AR: variants seen among roughly 807,000 people sequenced by gnomAD.
AR encodes the protein dihydrotestosterone receptor.
A neutral mutation model predicts 53.9 loss-of-function variants in AR; 8 were observed. The observed-to-expected ratio is 0.15, with a 90% confidence interval of 0.09 to 0.27. The LOEUF is 0.27. Among genes scored for constraint, AR ranks in the 10% least tolerant of loss-of-function variants. AR has a pLI of 1.00. For synonymous variants in AR, 359 were observed against 316.4 expected (o/e 1.13, Z -1.43); for missense variants, 639 against 742.5 (o/e 0.86, Z 1.62).
chrX:67,625,525 C>G (rs1924587585), intron 1 of AR, among the ~76,000 whole-genome samples: 1 of 111,392 alleles, frequency 9.0e-6, no homozygotes, highest in South Asian at 3.7e-4. Context: ...CAGTGGTAAT[C>G]AAGAGTGTAT....
intron 2 of AR, among the ~76,000 whole-genome samples, chrX:67,682,505 G>C (rs1392294899): frequency 9.2e-6 from 1 of 109,003 alleles, no homozygotes; most frequent in Non-Finnish European, 1.9e-5. Flanking sequence ...TGCCCAGGCT[G>C]GTCTCAAACT....
chrX:67,571,378 G>A (rs1921806470), intron 1 of AR, among the ~76,000 whole-genome samples: 1 of 111,305 alleles, frequency 9.0e-6, no homozygotes, highest in South Asian at 3.8e-4. Context: ...TGCTTAATGG[G>A]CGCAACCATG....
chrX:67,557,098 T>C (rs1408138383), intron 1 of AR, among the ~76,000 whole-genome samples: 1 of 108,562 alleles, frequency 9.2e-6, no homozygotes, highest in East Asian at 3.0e-4. Context: ...ATATTATACG[T>C]TTGTTTGTTT....
intron 1 of AR, among the ~76,000 whole-genome samples, chrX:67,640,754 T>G (rs955620140): frequency 9.0e-6 from 1 of 110,744 alleles, no homozygotes; most frequent in Admixed American, 9.7e-5. Flanking sequence ...AATAGACTGT[T>G]TATCTGATAT....
rs1369792982 is a variant in AR at position 67,546,591 on chromosome X, G to T, written c.1445G>T (p.Gly482Val). 2 of 1,170,734 alleles carry T rather than the reference G, an allele frequency of 1.7e-6. No homozygotes were observed. Among genetic ancestry groups the T allele is most frequent in the South Asian group, 1.9e-5 (1 of 52,285 alleles). The change falls in exon 1 of 8, where the codon GGC (glycine) becomes GTC (valine). Residue 482 changes from glycine (G) to valine (V), a missense_variant. Coordinates refer to ENST00000374690, the MANE Select transcript of AR (RefSeq NM_000044.6). ...GAGGCGGGAGCTGTAGCCCCCTACG[G>T]CTACACTCGGCCCCCTCAGGGGCTG... ...GGEAGAVAPY[G>V]YTRPPQGLAG...
chrX:67,557,621 G>A (rs1921114582), intron 1 of AR, among the ~76,000 whole-genome samples: 1 of 111,664 alleles, frequency 9.0e-6, no homozygotes, highest in African/African-American at 3.3e-5. Flanking sequence ...GTCTATAGAA[G>A]GGTAGGGACT....
chrX:67,672,394 G>A (rs1230226624), intron 2 of AR, among the ~76,000 whole-genome samples: 3 of 110,573 alleles, frequency 2.7e-5, no homozygotes, highest in African/African-American at 9.9e-5. Flanking sequence ...TTGTTTTCTG[G>A]TTATTCTGTG....
chrX:67,719,053 A>T (rs897320356), intron 5 of AR, among the ~76,000 whole-genome samples: 4 of 110,851 alleles, frequency 3.6e-5, no homozygotes, highest in African/African-American at 1.3e-4. Flanking sequence ...CCTCTAACCC[A>T]GAAGAGTCTT....
At chrX:67,694,750 T>A (rs1455326522) in intron 3 of AR, 1 of 1,154,378 alleles carries the variant, frequency 8.7e-7, no homozygotes. Flanking sequence ...TCATTCAAAA[T>A]GAGGGCTCTA....
intron 3 of AR, among the ~76,000 whole-genome samples, chrX:67,690,171 C>T (rs934109778): frequency 8.9e-6 from 1 of 111,874 alleles, no homozygotes; most frequent in Non-Finnish European, 1.9e-5. Flanking sequence ...ATGTGAGAAC[C>T]TGAGGTGTGC....
At chrX:67,707,722 A>G (rs1330113385) in intron 3 of AR, among the ~76,000 whole-genome samples, 1 of 111,692 alleles carries the variant, frequency 9.0e-6, no homozygotes, top group Non-Finnish European at 1.9e-5. Flanking sequence ...TGGTTGATGC[A>G]GTTTCTTCCT....
rs184451327 is a variant in AR at position 67,720,585 on chromosome X, C to T, written c.2319-1248C>T. On this transcript the variant is annotated intron_variant, in intron 5 of 7. Transcript: ENST00000374690. ...TGTTCTGCTCAATTGATTTGTGATA[C>T]CATCTAAACACTTCCTCTTTCTAGT... 4.0e-4 allele frequency among the ~76,000 whole-genome samples: 45 copies of T among 111,574 alleles called. 1 individual carries two copies. The highest frequency in any genetic ancestry group is 1.5e-3 in the African/African-American group (45 of 30,691).
intron 1 of AR, among the ~76,000 whole-genome samples, chrX:67,566,476 TTAATC>T (rs1921562779): frequency 8.9e-6 from 1 of 111,828 alleles, no homozygotes; most frequent in African/African-American, 3.3e-5. Flanking sequence ...AAATTGCATT[TTAATC>T]TAATCTTGTC....
At chrX:67,675,088 T>C (rs1404370301) in intron 2 of AR, among the ~76,000 whole-genome samples, 1 of 110,373 alleles carries the variant, frequency 9.1e-6, no homozygotes, top group Admixed American at 9.7e-5. Context: ...AGAAATATCA[T>C]TTGGGAGCTA....
intron 3 of AR, chrX:67,689,640 T>A: frequency 1.1e-6 from 1 of 939,448 alleles, no homozygotes; most frequent in South Asian, 2.4e-5. Flanking sequence ...GACTCTCAGC[T>A]GCTCATCCAC....
chrX:67,695,636 G>T, intron 3 of AR: 2 of 753,523 alleles, frequency 2.7e-6, no homozygotes, highest in Non-Finnish European at 3.1e-6. Flanking sequence ...TTCTAGTGGA[G>T]AAGTGGAGTC....
intron 4 of AR, among the ~76,000 whole-genome samples, chrX:67,712,599 A>G (rs1021685861): frequency 2.7e-5 from 3 of 112,376 alleles, no homozygotes; most frequent in African/African-American, 6.5e-5. Context: ...GAGCTAGTTT[A>G]TTTAAAGCCA....
chrX:67,630,667 T>A (rs1279648022), intron 1 of AR, among the ~76,000 whole-genome samples: 3 of 110,972 alleles, frequency 2.7e-5, no homozygotes, highest in African/African-American at 9.8e-5. Flanking sequence ...TATGTGTGAA[T>A]TTTATCCTGT....
chrX:67,705,528 G>A (rs1307646044), intron 3 of AR, among the ~76,000 whole-genome samples: 4 of 111,663 alleles, frequency 3.6e-5, no homozygotes, highest in Non-Finnish European at 1.9e-5. Flanking sequence ...TTGCTTATCA[G>A]CTTAAGGAGA....
Sources: gnomAD v4.1 joint callset for allele counts (sites outside exome capture counted in the v4.1 genomes callset) on GRCh38, gnomAD v4.1.1 for gene constraint, MANE v1.5 for transcripts, NCBI Gene and HGNC (gene_info 2026-07-23, HGNC 2026-07-21) for gene names.